The following RORA variants were observed in gnomAD, a reference collection of about 807,000 sequenced individuals.
The protein encoded by RORA is RAR related orphan receptor A, also known as nuclear receptor ROR-alpha.
A neutral mutation model predicts 69.5 loss-of-function variants in RORA; 7 were observed. That is an observed-to-expected ratio of 0.10 (90% CI 0.06 to 0.19). The LOEUF is 0.19. Among genes scored for constraint, RORA ranks in the 10% least tolerant of loss-of-function variants. The probability of loss-of-function intolerance (pLI) is 1.00; values close to 1 mark genes in which losing one functional copy is unlikely to be tolerated. For missense variants in RORA, 457 were observed against 663.0 expected (o/e 0.69, Z 3.41); for synonymous variants, 261 against 240.8 (o/e 1.08, Z -0.78).
intron 2 of RORA, among the ~76,000 whole-genome samples, chr15:60,568,391 A>G (rs1057074415): frequency 1.3e-5 from 2 of 152,218 alleles, no homozygotes; most frequent in African/African-American, 4.8e-5. Flanking sequence ...ATGGCAGTGA[A>G]GGCTTTCTCT....
chr15:61,045,725 G>T (rs1246299338), intron 1 of RORA, among the ~76,000 whole-genome samples: 1 of 152,176 alleles, frequency 6.6e-6, no homozygotes, highest in Non-Finnish European at 1.5e-5. Context: ...ATACTGCAGT[G>T]TCCAGCAAAT....
At chr15:60,528,827 A>C (rs1259901134) in intron 3 of RORA, 1 of 152,206 alleles carries the variant, frequency 6.6e-6, no homozygotes, top group Non-Finnish European at 1.5e-5. Flanking sequence ...CATTTTACAG[A>C]TGGGGGAACT....
intron 1 of RORA, among the ~76,000 whole-genome samples, chr15:61,003,765 GAAGA>G (rs543354625): frequency 1.7e-4 from 26 of 152,284 alleles, no homozygotes; most frequent in Non-Finnish European, 3.5e-4. Context: ...GCTTTTAGAA[GAAGA>G]AAGAAGTGGC....
chr15:61,201,122 T>C (rs2079891910), intron 1 of RORA, among the ~76,000 whole-genome samples: 1 of 152,210 alleles, frequency 6.6e-6, no homozygotes, highest in South Asian at 2.1e-4. Flanking sequence ...AAGGCATTTC[T>C]TGGAAGCTCC....
chr15:61,150,750 T>A (rs1350301539), intron 1 of RORA, among the ~76,000 whole-genome samples: 1 of 152,186 alleles, frequency 6.6e-6, no homozygotes, highest in East Asian at 1.9e-4. Flanking sequence ...TGGAAAGCAG[T>A]TTGACCAGGG....
At chr15:60,988,440 C>T (rs1056384989) in intron 1 of RORA, among the ~76,000 whole-genome samples, 3 of 152,144 alleles carry the variant, frequency 2.0e-5, no homozygotes, top group Non-Finnish European at 4.4e-5. Flanking sequence ...TCAGGAAATG[C>T]CTATTTTTCA....
chr15:60,570,797 G>C (rs1460706602), intron 2 of RORA, among the ~76,000 whole-genome samples: 1 of 152,200 alleles, frequency 6.6e-6, no homozygotes, highest in Non-Finnish European at 1.5e-5. Flanking sequence ...TGAGAGTCAA[G>C]AGACTAAGGT....
At chr15:60,611,306 C>T (rs996186080) in intron 2 of RORA, among the ~76,000 whole-genome samples, 2 of 151,874 alleles carry the variant, frequency 1.3e-5, no homozygotes, top group African/African-American at 4.8e-5. Flanking sequence ...CTGTCTCTAA[C>T]CCTTGGTTGT....
At chr15:60,721,014 T>C (rs2071286769) in intron 1 of RORA, among the ~76,000 whole-genome samples, 1 of 152,082 alleles carries the variant, frequency 6.6e-6, no homozygotes, top group African/African-American at 2.4e-5. Flanking sequence ...CCGCACACTG[T>C]TTTCCCTGCA....
At chr15:60,816,043 AT>A (rs1281971472) in intron 1 of RORA, among the ~76,000 whole-genome samples, 3 of 145,452 alleles carry the variant, frequency 2.1e-5, no homozygotes, top group Non-Finnish European at 4.5e-5. Context: ...TATATATACT[AT>A]AAAAACTATA....
chr15:60,724,754 C>T (rs1218195489), intron 1 of RORA, among the ~76,000 whole-genome samples: 1 of 152,150 alleles, frequency 6.6e-6, no homozygotes, highest in Non-Finnish European at 1.5e-5. Flanking sequence ...TACCTGGAGG[C>T]ATACATGAGC....
At chr15:60,752,158 CA>C (rs1412751235) in intron 1 of RORA, among the ~76,000 whole-genome samples, 7 of 152,026 alleles carry the variant, frequency 4.6e-5, no homozygotes, top group Admixed American at 3.9e-4. Flanking sequence ...AGAGGGCAGA[CA>C]TCAGGAAAGA....
At chr15:60,568,502 G>C (rs954221646) in intron 2 of RORA, among the ~76,000 whole-genome samples, 2 of 152,204 alleles carry the variant, frequency 1.3e-5, no homozygotes, top group Non-Finnish European at 2.9e-5. Context: ...GCTCAGTGTG[G>C]TGTCAGAATG....
At chr15:60,911,999 C>T (rs1891738272) in intron 1 of RORA, among the ~76,000 whole-genome samples, 1 of 152,048 alleles carries the variant, frequency 6.6e-6, no homozygotes, top group Non-Finnish European at 1.5e-5. Flanking sequence ...CATTAGCCAC[C>T]ACAACCTGCC....
At chr15:60,500,055 G>T (rs751375430) in intron 9 of RORA, 51 bp from the exon 10 acceptor site, 4 of 1,133,078 alleles carry the variant, frequency 3.5e-6, no homozygotes, top group South Asian at 1.3e-5. Context: ...ATGGTGTCAG[G>T]ATCCTTCTTC....
intron 1 of RORA, among the ~76,000 whole-genome samples, chr15:61,162,907 T>C (rs1301993131): frequency 6.6e-6 from 1 of 152,206 alleles, no homozygotes; most frequent in Non-Finnish European, 1.5e-5. Context: ...AGAATTGTTG[T>C]ATGCTACATT....
intron 2 of RORA, among the ~76,000 whole-genome samples, chr15:60,647,502 A>G (rs978084249): frequency 1.1e-4 from 16 of 152,248 alleles, no homozygotes; most frequent in Admixed American, 3.9e-4. Context: ...TGTTTGCTGA[A>G]TGAATTGAGC....
At chr15:61,129,524 G>C (rs2140839193) in intron 1 of RORA, among the ~76,000 whole-genome samples, 1 of 152,302 alleles carries the variant, frequency 6.6e-6, no homozygotes, top group Middle Eastern at 3.4e-3. Flanking sequence ...GAACTAGATA[G>C]TGGTGATGGT....
intron 1 of RORA, among the ~76,000 whole-genome samples, chr15:60,842,378 T>C (rs960153881): frequency 6.6e-6 from 1 of 152,180 alleles, no homozygotes; most frequent in Non-Finnish European, 1.5e-5. Context: ...TGACCCTAAC[T>C]TACTGTTCAA....
Sources: allele counts gnomAD v4.1 joint callset (sites outside exome capture counted in the v4.1 genomes callset), GRCh38; gene constraint gnomAD v4.1.1; transcripts MANE v1.5; gene names NCBI Gene and HGNC (gene_info 2026-07-23, HGNC 2026-07-21).